The following PCSK9 variants were observed in gnomAD, a reference collection of about 807,000 sequenced individuals.
PCSK9 encodes the protein convertase subtilisin/kexin type 9 preproprotein.
In PCSK9, 57 loss-of-function variants were observed where a neutral mutation model predicts 62.1. That is an observed-to-expected ratio of 0.92 (90% CI 0.74 to 1.14). PCSK9 has a LOEUF of 1.14. PCSK9 is among the 50% of genes most tolerant of loss of function. The probability of loss-of-function intolerance (pLI) is 0.00; values close to 1 mark genes in which losing one functional copy is unlikely to be tolerated. For synonymous variants in PCSK9, 387 were observed against 409.4 expected (o/e 0.95, Z 0.66); for missense variants, 870 against 959.8 (o/e 0.91, Z 1.24).
intron 5 of PCSK9, among the ~76,000 whole-genome samples, chr1:55,053,858 C>T (rs907823328): frequency 1.3e-5 from 2 of 152,168 alleles, no homozygotes; most frequent in African/African-American, 4.8e-5. Flanking sequence ...TGTTCTTTCC[C>T]AGAAAGGCCT....
At chr1:55,043,819 A>C in intron 1 of PCSK9, 24 bp from the exon 2 acceptor site, 1 of 1,613,416 alleles carries the variant, frequency 6.2e-7, no homozygotes, top group Non-Finnish European at 8.5e-7. Context: ...CCATGTCATC[A>C]TGTTCCTCCT....
At chr1:55,043,228 T>G (rs1644608983) in intron 1 of PCSK9, among the ~76,000 whole-genome samples, 1 of 152,254 alleles carries the variant, frequency 6.6e-6, no homozygotes, top group African/African-American at 2.4e-5. Flanking sequence ...CTTTAAGAAG[T>G]GTTGCCTTTG....
At chr1:55,050,712 C>T (rs191181573) in intron 3 of PCSK9, among the ~76,000 whole-genome samples, 6 of 152,016 alleles carry the variant, frequency 3.9e-5, no homozygotes, top group Admixed American at 2.6e-4. Context: ...TGGGAGGATG[C>T]GGGACTGGGG....
Position 55,058,536 on chromosome 1 carries a change from C to G in PCSK9, c.1392C>G (p.His464Gln), listed in dbSNP as rs1302398752. The G allele has an allele frequency of 1.2e-6, 2 of 1,612,076 alleles. No homozygotes were observed. The highest frequency in any genetic ancestry group is 2.7e-5 in the African/African-American group (2 of 74,856). Residue 464 changes from histidine (H) to glutamine (Q), a missense_variant, in exon 9 of 12, where the codon CAC becomes CAG. His to Gln is a conservative substitution (Grantham distance 24). Transcript: ENST00000302118. Reference protein sequence around the residue: ...QLFCRTVWSAHSGPTRMATAV... With the variant: ...QLFCRTVWSAQSGPTRMATAV... ...TTTGCAGGACTGTATGGTCAGCACA[C>G]TCGGGGCCTACACGGATGGCCACAG...
intron 6 of PCSK9, 80 bp from the exon 7 acceptor site, chr1:55,057,251 C>G: frequency 6.6e-7 from 1 of 1,513,432 alleles, no homozygotes; most frequent in Non-Finnish European, 9.2e-7. Flanking sequence ...TTGTCCAGCC[C>G]AGCTGGCAAG....
At chr1:55,050,315 A>T (rs1419258068) in intron 3 of PCSK9, among the ~76,000 whole-genome samples, 1 of 152,156 alleles carries the variant, frequency 6.6e-6, no homozygotes. Context: ...TGCCCCTTCG[A>T]CATTCCATAG....
chr1:55,057,683 A>G (rs1030119248), intron 7 of PCSK9, among the ~76,000 whole-genome samples, 169 bp downstream of exon 7: 7 of 152,188 alleles, frequency 4.6e-5, no homozygotes, highest in African/African-American at 1.7e-4. Flanking sequence ...GCGAGTGCAC[A>G]GAGGAAACAC....
Position 55,052,735 on chromosome 1 carries a change from G to T in PCSK9, c.743G>T (p.Arg248Leu), listed in dbSNP as rs749573024. The change falls in exon 5 of 12, where the codon CGC (arginine) becomes CTC (leucine). Residue 248 changes from arginine (R) to leucine (L), a missense_variant. Coordinates refer to ENST00000302118, the MANE Select transcript of PCSK9 (RefSeq NM_174936.4). The stretch of plus-strand genomic sequence containing the variant: ...GGCGTGGCCAAGGGTGCCAGCATGC[G>T]CAGCCTGCGCGTGCTCAACTGCCAA... ...DAGVAKGASM[R>L]SLRVLNCQGK... is the part of the protein sequence containing the mutation. 1.2e-6 allele frequency: 2 copies of T among 1,613,172 alleles called. No homozygotes were observed. Among genetic ancestry groups the T allele is most frequent in the Non-Finnish European group, 1.7e-6 (2 of 1,180,016 alleles).
At chr1:55,055,820 T>C (rs1465949649) in intron 5 of PCSK9, among the ~76,000 whole-genome samples, 173 bp from the exon 6 acceptor site, 3 of 152,236 alleles carry the variant, frequency 2.0e-5, no homozygotes, top group Non-Finnish European at 2.9e-5. Context: ...CTGATTTAAA[T>C]GTTAGTCACA....
chr1:55,061,611 G>T, intron 11 of PCSK9, 55 bp downstream of exon 11: 1 of 1,546,438 alleles, frequency 6.5e-7, no homozygotes, highest in South Asian at 1.2e-5. Context: ...CTCCTGCACA[G>T]CTTTTCTGTG....
chr1:55,043,964 A>T lies in PCSK9; in HGVS notation c.329A>T (p.Lys110Met). ...AQAARRGYLT[K>M]ILHVFHGLLP... ...GCTGCCCGCCGGGGATACCTCACCA[A>T]GATCCTGCATGTCTTCCATGGCCTT... is the stretch of plus-strand genomic sequence containing the variant. Residue 110 changes from lysine (K) to methionine (M), a missense_variant, in exon 2 of 12, where the codon AAG becomes ATG. Physicochemically the swap from Lys to Met is moderately conservative, Grantham distance 95. Transcript: ENST00000302118. The T allele has an allele frequency of 1.2e-6, 2 of 1,614,232 alleles. No individual in the cohort carries two copies. The highest frequency in any genetic ancestry group is 1.3e-5 in the African/African-American group (1 of 75,074).
Position 55,040,453 on chromosome 1 carries a change from C to G in PCSK9, c.207+409C>G, listed in dbSNP as rs1451397851. On this transcript the variant is annotated intron_variant, in intron 1 of 11. Transcript: ENST00000302118. This position sits in a 1 kb window ranked among gnomAD's most constrained non-coding sequence, Gnocchi z 4.1. ...AACGTACTGGGAACTGCACCAGGCA[C>G]AGAGAAAGCGGGCTTGCCATTATAG... 6.6e-6 allele frequency among the ~76,000 whole-genome samples: 1 copy of G among 152,096 alleles called. No individual in the cohort carries two copies. Among genetic ancestry groups the G allele is most frequent in the Non-Finnish European group, 1.5e-5 (1 of 68,030 alleles).
intron 8 of PCSK9, 26 bp from the exon 9 acceptor site, chr1:55,058,473 C>T (rs1343558203): frequency 2.5e-5 from 41 of 1,612,110 alleles, no homozygotes; most frequent in Non-Finnish European, 3.4e-5. Context: ...CCAGCACCCC[C>T]TCCTCATCCC....
intron 5 of PCSK9, among the ~76,000 whole-genome samples, chr1:55,054,095 A>C (rs917932586): frequency 6.6e-6 from 1 of 152,234 alleles, no homozygotes; most frequent in African/African-American, 2.4e-5. Flanking sequence ...AATAACTAGC[A>C]GCTGTAGGCT....
At chr1:55,057,032 G>A (rs1357519415) in intron 6 of PCSK9, among the ~76,000 whole-genome samples, 1 of 150,086 alleles carries the variant, frequency 6.7e-6, no homozygotes. Flanking sequence ...GTTTCCCCCC[G>A]TGGCACTTAG....
chr1:55,039,732 G>A lies in PCSK9; in HGVS notation c.-106G>A. The A allele has an allele frequency of 7.4e-7, 1 of 1,347,662 alleles. No individual in the cohort carries two copies. The highest frequency in any genetic ancestry group is 1.0e-6 in the Non-Finnish European group (1 of 969,766). 83.5% of individuals were successfully genotyped at this position (1,347,662 alleles called of 1,614,324 possible). On this transcript the variant is annotated 5_prime_UTR_variant, in exon 1 of 12. Coordinates refer to ENST00000302118, the MANE Select transcript of PCSK9 (RefSeq NM_174936.4). ...TCACGCGCCCTGCTCCTGAACTTCA[G>A]CTCCTGCACAGTCCTCCCCACCGCA...
intron 2 of PCSK9, among the ~76,000 whole-genome samples, chr1:55,045,058 G>C (rs537483343): frequency 6.6e-6 from 1 of 152,242 alleles, no homozygotes; most frequent in East Asian, 1.9e-4. Context: ...TTTCCCTTGA[G>C]CTTACAGTTC....
At chr1:55,048,058 C>T (rs1287302168) in intron 3 of PCSK9, among the ~76,000 whole-genome samples, 3 of 152,176 alleles carry the variant, frequency 2.0e-5, no homozygotes, top group Admixed American at 2.0e-4. Context: ...CAAATTACCA[C>T]CCCCTCGGTT....
intron 2 of PCSK9, among the ~76,000 whole-genome samples, chr1:55,045,718 ACT>A (rs1644629491): frequency 7.0e-6 from 1 of 143,250 alleles, no homozygotes; most frequent in African/African-American, 2.6e-5. Context: ...TTTTTTTGAG[ACT>A]CTGTTGCCCA....
Sources: allele counts gnomAD v4.1 joint callset (sites outside exome capture counted in the v4.1 genomes callset), GRCh38; gene constraint gnomAD v4.1.1; non-coding constraint Gnocchi (gnomAD v3.1); transcripts MANE v1.5; gene names NCBI Gene and HGNC (gene_info 2026-07-23, HGNC 2026-07-21).